The following IKBKB variants were observed in gnomAD, a reference collection of about 807,000 sequenced individuals.
IKBKB encodes the protein inhibitor of nuclear factor kappa B kinase subunit beta, also known as inhibitor of nuclear factor kappa-B kinase subunit beta.
IKBKB carries 42 observed loss-of-function variants against 113.6 expected under a neutral mutation model. That is an observed-to-expected ratio of 0.37 (90% CI 0.29 to 0.48). The LOEUF (loss-of-function observed/expected upper bound fraction) is 0.48, where lower values mean the gene tolerates loss of function less well. Ranked by LOEUF, IKBKB falls within the 20% of genes least tolerant of loss-of-function variation. The probability of loss-of-function intolerance (pLI) is 0.99; values close to 1 mark genes in which losing one functional copy is unlikely to be tolerated. For synonymous variants in IKBKB, 296 were observed against 361.3 expected (o/e 0.82, Z 2.05); for missense variants, 673 against 939.7 (o/e 0.72, Z 3.71).
intron 19 of IKBKB, among the ~76,000 whole-genome samples, chr8:42,323,929 G>T (rs1005792752): frequency 6.6e-6 from 1 of 152,228 alleles, no homozygotes; most frequent in Admixed American, 6.5e-5. Context: ...TCCCAGGAGG[G>T]CCTGATCCTT....
chr8:42,319,007 C>CT (rs1819254302), intron 13 of IKBKB: 2 of 560,890 alleles, frequency 3.6e-6, no homozygotes, highest in South Asian at 4.4e-5. Flanking sequence ...CTTACGGACT[C>CT]TTTCCTCATT....
chr8:42,320,698 A>G (rs752084594), intron 15 of IKBKB, 37 bp from the exon 16 acceptor site: 1 of 1,543,426 alleles, frequency 6.5e-7, no homozygotes, highest in South Asian at 1.1e-5. Context: ...GCATGCGCCT[A>G]CCACATCAGT....
chr8:42,276,889 C>T (rs1210443183), intron 2 of IKBKB, among the ~76,000 whole-genome samples: 2 of 112,328 alleles, frequency 1.8e-5, no homozygotes, highest in African/African-American at 3.6e-5. Flanking sequence ...TTTTTTGAGA[C>T]GGGGTCTCGC....
intron 8 of IKBKB, among the ~76,000 whole-genome samples, chr8:42,311,913 A>C (rs917725801): frequency 2.6e-5 from 4 of 152,070 alleles, no homozygotes; most frequent in Non-Finnish European, 5.9e-5. Context: ...TTGAGACAGA[A>C]TCTCGCTTTT....
intron 7 of IKBKB, among the ~76,000 whole-genome samples, chr8:42,307,740 G>A (rs185453996): frequency 2.6e-5 from 4 of 152,220 alleles, no homozygotes; most frequent in African/African-American, 7.2e-5. Flanking sequence ...GAGCAAGGGG[G>A]ACCCCATGCT....
intron 4 of IKBKB, among the ~76,000 whole-genome samples, chr8:42,291,283 G>A (rs560651980): frequency 6.6e-6 from 1 of 152,210 alleles, no homozygotes; most frequent in South Asian, 2.1e-4. Flanking sequence ...CTGGGTCCAC[G>A]TGATTCTCCT....
rs1287426377 is a variant in IKBKB, at chr8:42,331,619, G to GT, written c.*642dup. ...TGTGTTTTTACCTACTACTTTGGTG[G>GT]TTGTCCTCTTTTCGGCAAAGTTGGA... is the stretch of plus-strand genomic sequence containing the variant. On this transcript the variant is annotated 3_prime_UTR_variant, in exon 22 of 22. Coordinates refer to ENST00000520810, the MANE Select transcript of IKBKB (RefSeq NM_001556.3). 3.5e-6 allele frequency: 2 copies of GT among 576,340 alleles called. No individual in the cohort carries two copies. The highest frequency in any genetic ancestry group is 6.2e-6 in the Non-Finnish European group (2 of 323,250). 35.7% of individuals were successfully genotyped at this position (576,340 alleles called of 1,614,324 possible).
chr8:42,325,236 G>A, intron 19 of IKBKB: 7 of 985,648 alleles, frequency 7.1e-6, no homozygotes, highest in Non-Finnish European at 8.4e-6. Context: ...GGGCTGGGAG[G>A]GGCAGTGGCT....
At chr8:42,284,383 C>T (rs1810963407) in intron 2 of IKBKB, among the ~76,000 whole-genome samples, 1 of 152,020 alleles carries the variant, frequency 6.6e-6, no homozygotes, top group Admixed American at 6.6e-5. Context: ...GAGATGGAGA[C>T]CATCGTGGCT....
intron 2 of IKBKB, among the ~76,000 whole-genome samples, chr8:42,284,698 G>A (rs1052356119): frequency 6.6e-5 from 10 of 152,164 alleles, no homozygotes; most frequent in Admixed American, 2.0e-4. Flanking sequence ...AGCTGCTGTG[G>A]ATGAAGCTAC....
intron 7 of IKBKB, among the ~76,000 whole-genome samples, 180 bp downstream of exon 7, chr8:42,306,612 T>TG (rs1397057016): frequency 3.3e-5 from 5 of 152,226 alleles, no homozygotes; most frequent in African/African-American, 1.2e-4. Flanking sequence ...AGATGCCCTG[T>TG]GGAGGGATGT....
chr8:42,327,118 T>C (rs1023567761), intron 20 of IKBKB, among the ~76,000 whole-genome samples: 3 of 152,206 alleles, frequency 2.0e-5, no homozygotes, highest in Non-Finnish European at 4.4e-5. Context: ...ATATAAATTA[T>C]ATCTCAATAC....
At chr8:42,327,188 A>T (rs1321334858) in intron 20 of IKBKB, among the ~76,000 whole-genome samples, 1 of 152,008 alleles carries the variant, frequency 6.6e-6, no homozygotes, top group Non-Finnish European at 1.5e-5. Context: ...TTTGGTGTTT[A>T]TGTGACCTTG....
chr8:42,293,456 T>C lies in IKBKB; in HGVS notation c.332T>C (p.Phe111Ser). Residue 111 changes from phenylalanine (F) to serine (S), a missense_variant, in exon 5 of 22, where the codon TTT becomes TCT. Physicochemically the swap from Phe to Ser is radical, Grantham distance 155. Coordinates refer to ENST00000520810, the MANE Select transcript of IKBKB (RefSeq NM_001556.3). ...CTTTCTTGACAGTACCTGAACCAGT[T>C]TGAGAACTGCTGTGGTCTGCGGGAA... ...GGDLRKYLNQ[F>S]ENCCGLREGA... 1.2e-6 allele frequency: 2 copies of C among 1,614,168 alleles called. No homozygotes were observed. The highest frequency in any genetic ancestry group is 1.1e-5 in the South Asian group (1 of 91,082).
At chr8:42,308,813 G>A (rs947317535) in intron 7 of IKBKB, 88 bp from the exon 8 acceptor site, 18 of 1,310,398 alleles carry the variant, frequency 1.4e-5, no homozygotes, top group Non-Finnish European at 1.8e-5. Flanking sequence ...ATGAAGCCAG[G>A]GGTGAAAGCA....
intron 5 of IKBKB, among the ~76,000 whole-genome samples, chr8:42,298,757 G>A (rs9298622): frequency 0.21 from 32,239 of 151,910 alleles, 7,956 homozygotes; most frequent in African/African-American, 0.6. Context: ...TTGGACCTCC[G>A]AGTGCTCTCT....
intron 19 of IKBKB, 33 bp downstream of exon 19, chr8:42,322,527 C>T (rs747884000): frequency 6.2e-7 from 1 of 1,610,640 alleles, no homozygotes; most frequent in Non-Finnish European, 8.5e-7. Flanking sequence ...GGCCCTTGGC[C>T]TAGCAGCCTC....
chr8:42,320,039 G>A (rs1819469386), intron 15 of IKBKB: 1 of 178,544 alleles, frequency 5.6e-6, no homozygotes, highest in Non-Finnish European at 1.2e-5. Context: ...TAGGCAGAAA[G>A]TCTCAGGGCA....
chr8:42,281,829 A>T (rs1416920793), intron 2 of IKBKB, among the ~76,000 whole-genome samples: 1 of 152,162 alleles, frequency 6.6e-6, no homozygotes, highest in Admixed American at 6.5e-5. Flanking sequence ...GCTTGCCATG[A>T]TAACGGGACA....
Sources: allele counts gnomAD v4.1 joint callset (sites outside exome capture counted in the v4.1 genomes callset), GRCh38; gene constraint gnomAD v4.1.1; transcripts MANE v1.5; gene names NCBI Gene and HGNC (gene_info 2026-07-23, HGNC 2026-07-21).